The following NCAPD2 variants were observed in gnomAD, a reference collection of about 807,000 sequenced individuals.
NCAPD2 encodes non-SMC condensin I complex subunit D2, also known as condensin complex subunit 1.
Under a neutral mutation model 164.5 loss-of-function variants are expected in NCAPD2, and 100 were observed. The observed-to-expected ratio is 0.61, with a 90% CI of 0.52 to 0.72. The LOEUF is 0.72. Ranked by LOEUF, NCAPD2 falls within the 30% of genes least tolerant of loss-of-function variation. The pLI, the probability that NCAPD2 is intolerant of heterozygous loss-of-function variation, is 0.00. For synonymous variants in NCAPD2, 585 were observed against 642.6 expected, an observed-to-expected ratio of 0.91 and a Z score of 1.36; for missense variants, 1,560 against 1,749.2, an observed-to-expected ratio of 0.89 and a Z score of 1.93.
At chr12:6,512,607 C>G (rs1260097706) in intron 6 of NCAPD2, among the ~76,000 whole-genome samples, 2 of 152,182 alleles carry the variant, frequency 1.3e-5, no homozygotes, top group Non-Finnish European at 2.9e-5. Context: ...ATCATGGTGA[C>G]TTTGGCATTT....
chr12:6,525,736 G>A lies in NCAPD2; in HGVS notation c.2348+20G>A, dbSNP rs188801578. ...GGCACGGTGAGGCTCAAATCTAGCA[G>A]GCAATGGGGTGGGAGAGCAAAGGAA... On this transcript the variant is annotated intron_variant, in intron 18 of 31. Transcript: ENST00000315579. The A allele has an allele frequency of 3.1e-6, 5 of 1,610,952 alleles. 1 individual carries two copies. Among genetic ancestry groups the A allele is most frequent in the Admixed American group, 3.3e-5 (2 of 59,896 alleles).
chr12:6,495,103 C>G lies in NCAPD2; in HGVS notation c.5C>G (p.Ala2Gly), dbSNP rs149571298. 322 of 1,614,110 alleles carry G rather than the reference C, an allele frequency of 2.0e-4. No homozygotes were observed. The African/African-American group carries it at 3.7e-3, about 19-fold the overall frequency. The change falls in exon 2 of 32, where the codon GCT (alanine) becomes GGT (glycine). Residue 2 changes from alanine to glycine, a missense_variant. By Grantham distance (60) the Ala-to-Gly change is moderately conservative. Transcript: ENST00000315579. The stretch of plus-strand genomic sequence containing the variant: ...CTGTGAGCCTGTAGGAGTAGAATGG[C>G]TCCCCAAATGTATGAGTTCCATCTG... M[A>G]PQMYEFHLPL...
chr12:6,522,109 T>C, intron 15 of NCAPD2, 72 bp downstream of exon 15: 1 of 1,515,614 alleles, frequency 6.6e-7, no homozygotes, highest in Non-Finnish European at 8.9e-7. Flanking sequence ...TAAATTTTTA[T>C]TAACAATAGA....
intron 2 of NCAPD2, among the ~76,000 whole-genome samples, chr12:6,504,178 T>TATAC (rs1367045041): frequency 1.6e-4 from 11 of 66,940 alleles, no homozygotes; most frequent in East Asian, 1.6e-3. Flanking sequence ...GACATATATA[T>TATAC]ATACATATAT....
In NCAPD2 at chr12:6,527,207, G is replaced by C. The variant is rs551851064; in HGVS notation, c.2907+144G>C. 51 of 898,020 alleles carry C rather than the reference G, an allele frequency of 5.7e-5. No homozygotes were observed. The African/African-American group carries it at 7.7e-4, about 14-fold the overall frequency. The allele number at this position is 898,020 out of a possible 1,614,324, so 55.6% of individuals were successfully genotyped here. A position where few individuals can be genotyped will look rare whatever the true frequency, so the allele number is the denominator to read the frequency against. On this transcript the variant is annotated intron_variant, in intron 22 of 31. Coordinates refer to ENST00000315579, the MANE Select transcript of NCAPD2 (RefSeq NM_014865.4). ...TCTCTGTGGCTACTACCGTAGGAAA[G>C]GTTCGTGTGAACAATGACGAAACTG...
chr12:6,504,212 T>TATATAG (rs1202217940), intron 2 of NCAPD2, among the ~76,000 whole-genome samples: 24 of 21,718 alleles, frequency 1.1e-3, no homozygotes, highest in South Asian at 8.7e-3. Flanking sequence ...TATATATATA[T>TATATAG]ATATAGATAT....
At chr12:6,522,761 G>A (rs886354273) in intron 15 of NCAPD2, 67 bp from the exon 16 acceptor site, 9 of 1,554,936 alleles carry the variant, frequency 5.8e-6, no homozygotes, top group South Asian at 1.2e-5. Context: ...ATTCAGAAAG[G>A]TTCTGTCGTT....
Position 6,528,888 on chromosome 12 carries a change from G to T in NCAPD2, c.3477+32G>T, listed in dbSNP as rs765022971. ...GGCAGAGAGGCACTGAGGGCTGGCT[G>T]CAGAGGGAATCTGTAGGTCACCTCA... On this transcript the variant is annotated intron_variant, in intron 26 of 31. Transcript: ENST00000315579. This position sits in a 1 kb window ranked among gnomAD's most constrained non-coding sequence, Gnocchi z 5.1. 1 of 1,613,094 alleles carries T rather than the reference G, an allele frequency of 6.2e-7. No homozygotes were observed. The highest frequency in any genetic ancestry group is 2.2e-5 in the East Asian group (1 of 44,848).
At chr12:6,517,223 A>G in intron 10 of NCAPD2, 142 bp from the exon 11 acceptor site, 1 of 1,340,350 alleles carries the variant, frequency 7.5e-7, no homozygotes, top group Non-Finnish European at 1.0e-6. Context: ...TTACCACTAC[A>G]AGGAGTACTC....
At position 6,527,868 on chromosome 12, in the gene NCAPD2, G is replaced by A. The variant is rs1365394456; in HGVS notation, c.2999G>A (p.Cys1000Tyr). 1 of 1,613,624 alleles carries A rather than the reference G, an allele frequency of 6.2e-7. No individual in the cohort carries two copies. Among genetic ancestry groups the A allele is most frequent in the South Asian group, 1.1e-5 (1 of 91,092 alleles). The stretch of plus-strand genomic sequence containing the variant: ...GAGGCAGAACTAATCCGTGGCATCT[G>A]CGAGATGGAACTGTTGGATGGTAAG... ...DTEAELIRGICEMELLDGKQT... is the reference protein window; with the variant it reads ...DTEAELIRGIYEMELLDGKQT... Residue 1000 changes from cysteine to tyrosine, a missense_variant, in exon 23 of 32, where the codon TGC (cysteine) becomes TAC (tyrosine). Cys to Tyr is a radical substitution (Grantham distance 194). Transcript: ENST00000315579.
Position 6,523,009 on chromosome 12 carries a change from G to A in NCAPD2, c.2129+7G>A, listed in dbSNP as rs754754417. On this transcript the variant is annotated splice_region_variant and intron_variant, in intron 16 of 31. Transcript: ENST00000315579. ...CCAAAGGGGACTCTGCCAGGTATAT[G>A]GGGTGCTTTTGCCTTTGCTGACTTT... The A allele has an allele frequency of 1.2e-6, 2 of 1,613,780 alleles. No homozygotes were observed. Among genetic ancestry groups the A allele is most frequent in the Non-Finnish European group, 1.7e-6 (2 of 1,179,894 alleles).
rs774515068 is a variant in NCAPD2 at position 6,529,804 on chromosome 12, A to C, written c.3683A>C (p.Tyr1228Ser). 2 of 1,614,058 alleles carry C rather than the reference A, an allele frequency of 1.2e-6. No homozygotes were observed. The highest frequency in any genetic ancestry group is 8.5e-7 in the Non-Finnish European group (1 of 1,179,920). Residue 1228 changes from tyrosine (Y) to serine (S), a missense_variant, in exon 29 of 32, where the codon TAC (tyrosine) becomes TCC (serine). Coordinates refer to ENST00000315579, the MANE Select transcript of NCAPD2 (RefSeq NM_014865.4). ...RTERQQRDLA[Y>S]CVSQLPLTER... ...GAGCGGCAGCAGCGAGACCTGGCCT[A>C]CTGTGTGTCACAGCTGCCCCTCACA...
Position 6,514,305 on chromosome 12 carries a change from A to G in NCAPD2, c.628A>G (p.Thr210Ala). The G allele has an allele frequency of 6.2e-7, 1 of 1,614,106 alleles. No homozygotes were observed. Among genetic ancestry groups the G allele is most frequent in the Non-Finnish European group, 8.5e-7 (1 of 1,180,000 alleles). ...GCCYRLLENP[T>A]INHQKNRPTR... ...TTGCTACCGCCTTCTGGAGAATCCC[A>G]CCATTAATCACCAGAAGAACCGCCC... The change falls in exon 7 of 32, where the codon ACC becomes GCC. Residue 210 changes from threonine (T) to alanine (A), a missense_variant. Coordinates refer to ENST00000315579, the MANE Select transcript of NCAPD2 (RefSeq NM_014865.4).
chr12:6,503,174 C>G (rs1013271616), intron 2 of NCAPD2, among the ~76,000 whole-genome samples: 19 of 152,072 alleles, frequency 1.2e-4, no homozygotes, highest in African/African-American at 4.3e-4. Flanking sequence ...TTCTAATACA[C>G]TTACTGTAAT....
At chr12:6,498,732 T>C (rs11064233) in intron 2 of NCAPD2, among the ~76,000 whole-genome samples, 54,112 of 151,608 alleles carry the variant, frequency 0.36, 10,493 homozygotes, top group African/African-American at 0.52. Flanking sequence ...CTCAGCCTCC[T>C]GAGTAGCCGG....
rs1565545180 is a variant in NCAPD2 at position 6,521,887 on chromosome 12, A to G, written c.1804A>G (p.Met602Val). The change falls in exon 15 of 32, where the codon ATG becomes GTG. Residue 602 changes from methionine to valine, a missense_variant. Met to Val is a conservative substitution (Grantham distance 21). Transcript: ENST00000315579. The part of the protein sequence containing the change: ...GQTVCKNKPN[M>V]SDPEESRGND... Reference sequence around the variant, plus strand: ...GACTGTCTGTAAAAATAAACCCAATATGTCGGATCCTGAGGAATCCAGGGG... The same window carrying G: ...GACTGTCTGTAAAAATAAACCCAATGTGTCGGATCCTGAGGAATCCAGGGG... The G allele has an allele frequency of 6.2e-7, 1 of 1,614,094 alleles. No individual in the cohort carries two copies. Among genetic ancestry groups the G allele is most frequent in the Non-Finnish European group, 8.5e-7 (1 of 1,179,996 alleles).
chr12:6,526,989 G>A lies in NCAPD2; in HGVS notation c.2833G>A (p.Val945Met). 1 of 1,614,222 alleles carries A rather than the reference G, an allele frequency of 6.2e-7. No individual in the cohort carries two copies. Among genetic ancestry groups the A allele is most frequent in the Non-Finnish European group, 8.5e-7 (1 of 1,180,030 alleles). The change falls in exon 22 of 32, where the codon GTG (valine) becomes ATG (methionine). Residue 945 changes from valine to methionine, a missense_variant. By Grantham distance (21) the Val-to-Met change is conservative (BLOSUM62 1). Coordinates refer to ENST00000315579, the MANE Select transcript of NCAPD2 (RefSeq NM_014865.4). ...LQQLVHLEQAVSGELCRRRVL... is the reference protein window; with the variant it reads ...LQQLVHLEQAMSGELCRRRVL... ...GCAGCTGGTCCACTTGGAGCAGGCA[G>A]TGAGTGGAGAGCTCTGCCGGCGCCG... is the stretch of plus-strand genomic sequence containing the variant.
intron 17 of NCAPD2, among the ~76,000 whole-genome samples, chr12:6,524,145 C>T (rs182224227): frequency 6.6e-6 from 1 of 152,230 alleles, no homozygotes; most frequent in Non-Finnish European, 1.5e-5. Flanking sequence ...CTGTGTTCTA[C>T]TGAGGGATAC....
intron 13 of NCAPD2, among the ~76,000 whole-genome samples, chr12:6,518,504 G>GTTTTTTTTTTTTTTTGTTTTTTTTT (rs1946227130): frequency 3.1e-4 from 14 of 44,782 alleles, no homozygotes; most frequent in African/African-American, 1.3e-3. Flanking sequence ...CCGTCAACAA[G>GTTTTTTTTTTTTTTTGTTTTTTTTT]TTTTTTTTTT....
Sources: allele counts gnomAD v4.1 joint callset (sites outside exome capture counted in the v4.1 genomes callset), GRCh38; gene constraint gnomAD v4.1.1; non-coding constraint Gnocchi (gnomAD v3.1); transcripts MANE v1.5; gene names NCBI Gene and HGNC (gene_info 2026-07-23, HGNC 2026-07-21).